Variants in RBFOX1 observed in about 807,000 individuals in gnomAD.
The protein encoded by RBFOX1 is RNA binding protein fox-1 homolog 1.
In RBFOX1, 8 loss-of-function variants were observed where a neutral mutation model predicts 57.7. That is an observed-to-expected ratio of 0.14 (90% CI 0.08 to 0.25). RBFOX1 has a LOEUF of 0.25. Among genes scored for constraint, RBFOX1 ranks in the 10% least tolerant of loss-of-function variants. The pLI is 1.00. For synonymous variants in RBFOX1, 326 were observed against 222.4 expected (o/e 1.47, Z -4.15); for missense variants, 611 against 548.5 (o/e 1.11, Z -1.14).
chr16:7,513,150 C>G (rs2075564418), intron 4 of RBFOX1, among the ~76,000 whole-genome samples: 1 of 152,038 alleles, frequency 6.6e-6, no homozygotes, highest in South Asian at 2.1e-4. Flanking sequence ...GTAATCCTAG[C>G]TACTCAGGAG....
chr16:5,417,131 A>T (rs2151477072), intron 1 of RBFOX1, among the ~76,000 whole-genome samples: 1 of 152,364 alleles, frequency 6.6e-6, no homozygotes, highest in Admixed American at 6.5e-5. Flanking sequence ...GATAATTAAG[A>T]TGCATATGCC....
intron 2 of RBFOX1, among the ~76,000 whole-genome samples, chr16:6,447,050 C>T (rs1188152827): frequency 2.6e-5 from 4 of 152,160 alleles, no homozygotes; most frequent in Non-Finnish European, 4.4e-5. Context: ...AAACATGAAA[C>T]GCAAGTCACA....
chr16:6,334,506 TC>T (rs2083402354), intron 2 of RBFOX1, among the ~76,000 whole-genome samples: 1 of 30,416 alleles, frequency 3.3e-5, no homozygotes, highest in Non-Finnish European at 6.4e-5. Context: ...AGATAGCATC[TC>T]AAAAAAAAAA....
rs192124455 is a variant in RBFOX1, at chr16:5,347,386, G to T, written c.219+107281G>T. 3.3e-3 allele frequency among the ~76,000 whole-genome samples: 504 copies of T among 152,208 alleles called. 3 individuals carry two copies. Among genetic ancestry groups the T allele is most frequent in the Non-Finnish European group, 5.4e-3 (369 of 67,998 alleles). On this transcript the variant is annotated intron_variant, in intron 1 of 2. Transcript: ENST00000585867. ...TCCTTGAATCATACTTTGTTCTTCTGTGAAATGGAGCTATTAGCCTATGTC... is the reference window on the plus strand; with the variant it reads ...TCCTTGAATCATACTTTGTTCTTCTTTGAAATGGAGCTATTAGCCTATGTC...
intron 3 of RBFOX1, among the ~76,000 whole-genome samples, chr16:7,006,304 A>G (rs912393056): frequency 1.3e-5 from 2 of 151,892 alleles, no homozygotes; most frequent in Non-Finnish European, 2.9e-5. Flanking sequence ...ACAGGTACAC[A>G]CCAGTATACC....
intron 3 of RBFOX1, among the ~76,000 whole-genome samples, chr16:6,852,517 C>G (rs897289106): frequency 2.6e-5 from 4 of 152,202 alleles, no homozygotes; most frequent in African/African-American, 4.8e-5. Context: ...GGAACAATTC[C>G]TTGTGTCTCA....
In RBFOX1 at chr16:7,579,767, G is replaced by T. The variant is rs753640443; in HGVS notation, c.271-10G>T. On this transcript the variant is annotated splice_polypyrimidine_tract_variant and intron_variant, in intron 5 of 15. Transcript: ENST00000550418. ...CTGAGAACCTCTTCGGTTTCTTCTTGTTCTTTTAGCAGACAGATGACGCAG... is the reference window on the plus strand; with the variant it reads ...CTGAGAACCTCTTCGGTTTCTTCTTTTTCTTTTAGCAGACAGATGACGCAG... 21 of 1,613,928 alleles carry T rather than the reference G, an allele frequency of 1.3e-5. No individual in the cohort carries two copies. The highest frequency in any genetic ancestry group is 1.8e-5 in the Non-Finnish European group (21 of 1,179,964).
intron 2 of RBFOX1, among the ~76,000 whole-genome samples, chr16:6,578,026 A>G (rs1409488939): frequency 6.6e-6 from 1 of 152,180 alleles, no homozygotes; most frequent in African/African-American, 2.4e-5. Flanking sequence ...TGCTTATTTC[A>G]TTGAAGAGCC....
intron 1 of RBFOX1, among the ~76,000 whole-genome samples, chr16:6,095,818 C>A (rs551477911): frequency 6.6e-6 from 1 of 152,028 alleles, no homozygotes; most frequent in Non-Finnish European, 1.5e-5. Flanking sequence ...ACCAACAGTG[C>A]CTGGTTTTCA....
At chr16:7,029,081 TACACACACACACACACACAC>T (rs71147635) in intron 3 of RBFOX1, among the ~76,000 whole-genome samples, 2 of 47,952 alleles carry the variant, frequency 4.2e-5, no homozygotes, top group African/African-American at 1.7e-4. Flanking sequence ...TATATATATA[TACACACACACACACACACAC>T]ACACACACAC....
At chr16:6,205,828 G>A (rs376598239) in intron 1 of RBFOX1, among the ~76,000 whole-genome samples, 1 of 141,080 alleles carries the variant, frequency 7.1e-6, no homozygotes, top group Non-Finnish European at 1.5e-5. Context: ...CAAATATTTT[G>A]CATTTCCCTT....
chr16:6,115,490 G>C (rs2096488150), intron 1 of RBFOX1, among the ~76,000 whole-genome samples: 1 of 152,134 alleles, frequency 6.6e-6, no homozygotes, highest in South Asian at 2.1e-4. Flanking sequence ...GTGCATATTG[G>C]CTGGCCCAAG....
chr16:6,131,918 T>C (rs1193839662), intron 1 of RBFOX1, among the ~76,000 whole-genome samples: 1 of 152,248 alleles, frequency 6.6e-6, no homozygotes, highest in Non-Finnish European at 1.5e-5. Flanking sequence ...AAACACTTTG[T>C]ATGCACGTCT....
rs937905193 is a variant in RBFOX1, at chr16:6,990,137, C to T, written c.-15-61920C>T. 4.4e-4 allele frequency among the ~76,000 whole-genome samples: 67 copies of T among 152,166 alleles called. 1 individual carries two copies. The highest frequency in any genetic ancestry group is 1.5e-3 in the African/African-American group (63 of 41,440). On this transcript the variant is annotated intron_variant, in intron 3 of 15. Coordinates refer to ENST00000550418, the MANE Select transcript of RBFOX1 (RefSeq NM_018723.4). ...ATGTCACCAACAACTAGTAAACGTG[C>T]CCAACACACAGTAGGGATTCAGTAA...
chr16:6,752,666 T>C (rs184020657), intron 3 of RBFOX1, among the ~76,000 whole-genome samples: 1 of 152,212 alleles, frequency 6.6e-6, no homozygotes, highest in Non-Finnish European at 1.5e-5. Flanking sequence ...CGGTAATAAC[T>C]CTAACACACA....
At chr16:7,011,982 A>T (rs1049392608) in intron 3 of RBFOX1, among the ~76,000 whole-genome samples, 10 of 152,190 alleles carry the variant, frequency 6.6e-5, no homozygotes, top group African/African-American at 2.2e-4. Flanking sequence ...TAAGTAGATC[A>T]TGATGTGGTG....
At chr16:5,536,736 G>A (rs1336507865) in intron 2 of RBFOX1, among the ~76,000 whole-genome samples, 2 of 152,014 alleles carry the variant, frequency 1.3e-5, no homozygotes. Context: ...GGTCAACAGG[G>A]AGCAGGTGGT....
chr16:5,312,048 C>A (rs9926756), intron 1 of RBFOX1, among the ~76,000 whole-genome samples: 2,810 of 152,262 alleles, frequency 0.018, 84 homozygotes, highest in African/African-American at 0.062. Flanking sequence ...CTAGAAGGGG[C>A]TCAGGAGGGG....
intron 1 of RBFOX1, among the ~76,000 whole-genome samples, chr16:5,427,058 A>C (rs929374154): frequency 9.2e-5 from 14 of 151,950 alleles, no homozygotes; most frequent in African/African-American, 3.4e-4. Flanking sequence ...CTTTTACCTC[A>C]TGGTGTCTTA....
Sources: gnomAD v4.1 joint callset for allele counts (sites outside exome capture counted in the v4.1 genomes callset) on GRCh38, gnomAD v4.1.1 for gene constraint, MANE v1.5 for transcripts, NCBI Gene and HGNC (gene_info 2026-07-23, HGNC 2026-07-21) for gene names.